The following ARHGAP10 variants were observed in gnomAD, a reference collection of about 807,000 sequenced individuals.
The protein encoded by ARHGAP10 is Rho GTPase activating protein 10.
Under a neutral mutation model 108.6 loss-of-function variants are expected in ARHGAP10, and 87 were observed. The observed-to-expected ratio is 0.80, with a 90% CI of 0.67 to 0.96. The LOEUF is 0.96. Ranked by LOEUF, ARHGAP10 falls within the 40% of genes least tolerant of loss-of-function variation. The probability of loss-of-function intolerance (pLI) is 0.00; values close to 1 mark genes in which losing one functional copy is unlikely to be tolerated. For missense variants in ARHGAP10, 939 were observed against 954.5 expected (o/e 0.98, Z 0.21); for synonymous variants, 347 against 341.1 (o/e 1.02, Z -0.19).
intron 1 of ARHGAP10, among the ~76,000 whole-genome samples, chr4:147,807,778 A>G (rs995961868): frequency 6.6e-6 from 1 of 152,240 alleles, no homozygotes; most frequent in Non-Finnish European, 1.5e-5. Context: ...AAAGTTGAAC[A>G]AATAGAGTAA....
chr4:147,841,876 T>C (rs1170336911), intron 3 of ARHGAP10, among the ~76,000 whole-genome samples: 1 of 152,352 alleles, frequency 6.6e-6, no homozygotes, highest in East Asian at 1.9e-4. Context: ...CTACTATCCT[T>C]GTTTTGGAAA....
intron 18 of ARHGAP10, among the ~76,000 whole-genome samples, chr4:148,018,160 C>T (rs1205273055): frequency 6.6e-6 from 1 of 152,126 alleles, no homozygotes; most frequent in African/African-American, 2.4e-5. Flanking sequence ...AAGAAATTTT[C>T]ACCCTGTGGG....
At chr4:147,848,937 A>G (rs995885909) in intron 4 of ARHGAP10, among the ~76,000 whole-genome samples, 1 of 152,166 alleles carries the variant, frequency 6.6e-6, no homozygotes, top group Non-Finnish European at 1.5e-5. Flanking sequence ...TTAATGACCA[A>G]ATTCTTTCCT....
chr4:147,934,666 C>T (rs1737856363), intron 13 of ARHGAP10, among the ~76,000 whole-genome samples: 1 of 152,046 alleles, frequency 6.6e-6, no homozygotes, highest in Non-Finnish European at 1.5e-5. Flanking sequence ...GTGAGACCCG[C>T]TCTCTACAAA....
chr4:147,919,277 A>C (rs1737128493), intron 13 of ARHGAP10, among the ~76,000 whole-genome samples: 1 of 152,198 alleles, frequency 6.6e-6, no homozygotes, highest in Non-Finnish European at 1.5e-5. Flanking sequence ...ACTGGCAGTT[A>C]CTTATAAATT....
At chr4:147,863,201 T>A (rs1734400118) in intron 5 of ARHGAP10, 1 of 152,204 alleles carries the variant, frequency 6.6e-6, no homozygotes, top group Non-Finnish European at 1.5e-5. Context: ...CAGGGCTTTT[T>A]AAAAAATCTT....
intron 13 of ARHGAP10, among the ~76,000 whole-genome samples, chr4:147,938,997 T>C (rs1738064185): frequency 6.6e-6 from 1 of 152,206 alleles, no homozygotes; most frequent in African/African-American, 2.4e-5. Flanking sequence ...CATCTATCCC[T>C]TTTTCCCTCT....
intron 4 of ARHGAP10, among the ~76,000 whole-genome samples, chr4:147,847,557 G>A (rs1043560908): frequency 3.3e-5 from 5 of 152,204 alleles, no homozygotes; most frequent in African/African-American, 1.2e-4. Context: ...CAGTTTTATG[G>A]AGGAGTGTAG....
chr4:147,981,755 A>G (rs1314969485), intron 18 of ARHGAP10, among the ~76,000 whole-genome samples: 2 of 152,244 alleles, frequency 1.3e-5, no homozygotes, highest in African/African-American at 4.8e-5. Flanking sequence ...GTGCAAATAC[A>G]TTTAGAATAG....
chr4:148,063,472 G>C (rs1729717716), intron 21 of ARHGAP10, among the ~76,000 whole-genome samples, 172 bp downstream of exon 21: 1 of 152,152 alleles, frequency 6.6e-6, no homozygotes. Context: ...GCCTCACCCA[G>C]TTCAGTAGCA....
intron 7 of ARHGAP10, 106 bp downstream of exon 7, chr4:147,866,922 G>A: frequency 1.0e-6 from 1 of 955,128 alleles, no homozygotes; most frequent in South Asian, 1.8e-5. Flanking sequence ...TGATCTGTTT[G>A]TACTGAGAAA....
At chr4:147,926,761 G>T (rs1488184050) in intron 13 of ARHGAP10, among the ~76,000 whole-genome samples, 1 of 152,156 alleles carries the variant, frequency 6.6e-6, no homozygotes, top group African/African-American at 2.4e-5. Flanking sequence ...AAGAAGGATG[G>T]TTGTAAGGGA....
At chr4:147,985,912 T>G (rs1183776954) in intron 18 of ARHGAP10, among the ~76,000 whole-genome samples, 1 of 152,204 alleles carries the variant, frequency 6.6e-6, no homozygotes, top group Non-Finnish European at 1.5e-5. Flanking sequence ...GTATTGAGGC[T>G]TCACTCACTT....
intron 18 of ARHGAP10, among the ~76,000 whole-genome samples, chr4:147,985,613 C>T (rs1740012121): frequency 6.6e-6 from 1 of 152,196 alleles, no homozygotes; most frequent in South Asian, 2.1e-4. Context: ...TGCTGCAGAG[C>T]AAATGCTGCA....
chr4:147,960,952 T>G (rs1738967691), intron 16 of ARHGAP10, among the ~76,000 whole-genome samples: 1 of 152,264 alleles, frequency 6.6e-6, no homozygotes, highest in African/African-American at 2.4e-5. Context: ...TCTGTTCTAC[T>G]GTTAATGGAC....
chr4:147,762,532 A>T (rs1729633516), intron 1 of ARHGAP10, among the ~76,000 whole-genome samples: 4 of 77,524 alleles, frequency 5.2e-5, no homozygotes, highest in Non-Finnish European at 1.2e-4. Flanking sequence ...TTATTTATTT[A>T]TTTATTTATT....
chr4:147,936,466 C>G (rs1450638773), intron 13 of ARHGAP10, among the ~76,000 whole-genome samples: 1 of 151,480 alleles, frequency 6.6e-6, no homozygotes, highest in Non-Finnish European at 1.5e-5. Flanking sequence ...GTAGCTGGGA[C>G]TACAGGCGCC....
chr4:147,807,823 A>G (rs766084943), intron 1 of ARHGAP10, among the ~76,000 whole-genome samples: 7 of 152,258 alleles, frequency 4.6e-5, no homozygotes, highest in Non-Finnish European at 8.8e-5. Context: ...AGAGGATGCT[A>G]GCAGTCTCCT....
chr4:148,036,736 G>C (rs1728394130), intron 19 of ARHGAP10, among the ~76,000 whole-genome samples: 1 of 152,218 alleles, frequency 6.6e-6, no homozygotes, highest in Non-Finnish European at 1.5e-5. Context: ...CGGATAGATG[G>C]AGAGGGAGTG....
Sources: gnomAD v4.1 joint callset for allele counts (sites outside exome capture counted in the v4.1 genomes callset) on GRCh38, gnomAD v4.1.1 for gene constraint, MANE v1.5 for transcripts, NCBI Gene and HGNC (gene_info 2026-07-23, HGNC 2026-07-21) for gene names.